Variants in GPHN observed in about 807,000 individuals in gnomAD.
GPHN encodes the protein gephyrin.
A neutral mutation model predicts 95.5 loss-of-function variants in GPHN; 17 were observed. That is an observed-to-expected ratio of 0.18 (90% CI 0.12 to 0.27). The LOEUF (loss-of-function observed/expected upper bound fraction) is 0.27. Among genes scored for constraint, GPHN ranks in the 10% least tolerant of loss-of-function variants. The pLI is 1.00. For missense variants in GPHN, 660 were observed against 978.1 expected (o/e 0.67, Z 4.34); for synonymous variants, 320 against 322.5 (o/e 0.99, Z 0.08).
At chr14:67,497,232 G>A in the GPHN span, among the ~76,000 whole-genome samples, 146 of 152,294 alleles carry the variant, frequency 9.6e-4, no homozygotes, top group African/African-American at 3.3e-3. Context: ...TCACGGGAGG[G>A]CAGCACAGTG....
chr14:67,389,063 C>T, the GPHN span, among the ~76,000 whole-genome samples: 6 of 151,644 alleles, frequency 4.0e-5, no homozygotes, highest in African/African-American at 9.7e-5. Context: ...CAAGAAACTT[C>T]GTGTGATACA....
At chr14:67,578,680 C>A in the GPHN span, 2 of 1,177,378 alleles carry the variant, frequency 1.7e-6, no homozygotes, top group South Asian at 1.3e-5. The surrounding 1 kb of genome is among the most constrained non-coding windows in gnomAD (Gnocchi z 5.0). Flanking sequence ...TGCCAACTGC[C>A]GCATGAATAA....
chr14:66,664,628 G>C (rs575433369), intron 1 of GPHN, among the ~76,000 whole-genome samples: 4 of 151,836 alleles, frequency 2.6e-5, no homozygotes, highest in East Asian at 1.9e-4. Context: ...GAAATAACCA[G>C]AATCAGAGCT....
At chr14:66,926,537 C>G (rs1020926439) in intron 8 of GPHN, among the ~76,000 whole-genome samples, 1 of 152,068 alleles carries the variant, frequency 6.6e-6, no homozygotes, top group Non-Finnish European at 1.5e-5. Flanking sequence ...TTCTTGACCC[C>G]TTTGTCAAAA....
chr14:67,032,259 C>G (rs375977457), intron 10 of GPHN, among the ~76,000 whole-genome samples: 1 of 152,132 alleles, frequency 6.6e-6, no homozygotes, highest in Admixed American at 6.5e-5. Flanking sequence ...TATCTCACTG[C>G]ATTGATGGAA....
intron 11 of GPHN, among the ~76,000 whole-genome samples, chr14:67,064,877 A>G (rs2075981660): frequency 6.6e-6 from 1 of 152,144 alleles, no homozygotes; most frequent in African/African-American, 2.4e-5. Flanking sequence ...ATCCTTTCAA[A>G]AACCAGCTCC....
intron 1 of GPHN, among the ~76,000 whole-genome samples, chr14:66,537,016 T>C (rs886215540): frequency 1.5e-4 from 23 of 152,194 alleles, no homozygotes; most frequent in Admixed American, 9.2e-4. Flanking sequence ...TCTGGTAATA[T>C]TTCTTGCCTT....
the GPHN span, among the ~76,000 whole-genome samples, chr14:67,529,429 C>T: frequency 6.6e-6 from 1 of 152,144 alleles, no homozygotes; most frequent in Admixed American, 6.5e-5. Flanking sequence ...AGCACAGTGG[C>T]TGGAAAATAG....
At chr14:67,144,246 AAAAAATATATATATATAT>A (rs1414252342) in intron 18 of GPHN, among the ~76,000 whole-genome samples, 12 of 65,600 alleles carry the variant, frequency 1.8e-4, no homozygotes, top group African/African-American at 2.4e-4. Context: ...TAAAAAAAAA[AAAAAATATATATATATAT>A]ATATATATAT....
the GPHN span, among the ~76,000 whole-genome samples, chr14:67,566,958 A>C: frequency 6.6e-6 from 1 of 152,126 alleles, no homozygotes; most frequent in Non-Finnish European, 1.5e-5. Flanking sequence ...TAAGGTATTA[A>C]GGGGCAGCGT....
chr14:67,335,324 T>C, the GPHN span: 4 of 152,360 alleles, frequency 2.6e-5, no homozygotes, highest in East Asian at 3.9e-4. Flanking sequence ...CACCTAGTTG[T>C]ACAGCCACTC....
At chr14:66,859,318 A>T (rs2062932010) in intron 4 of GPHN, among the ~76,000 whole-genome samples, 1 of 152,006 alleles carries the variant, frequency 6.6e-6, no homozygotes, top group Non-Finnish European at 1.5e-5. Flanking sequence ...ACAGAGAGAG[A>T]CTCCATTTGT....
the GPHN span, among the ~76,000 whole-genome samples, chr14:67,248,649 C>A: frequency 4.5e-3 from 682 of 152,180 alleles, 3 homozygotes; most frequent in Non-Finnish European, 6.5e-3. Flanking sequence ...CAACAACTTT[C>A]GGTAAGTATT....
chr14:66,854,941 G>A (rs189777557), intron 4 of GPHN, among the ~76,000 whole-genome samples: 81 of 151,096 alleles, frequency 5.4e-4, no homozygotes, highest in Admixed American at 1.7e-3. Context: ...TCTGCCCCCC[G>A]GATTCAAGCG....
chr14:66,584,767 A>G (rs1269915039), intron 1 of GPHN, among the ~76,000 whole-genome samples: 1 of 151,982 alleles, frequency 6.6e-6, no homozygotes, highest in Non-Finnish European at 1.5e-5. Context: ...AAGCTTTTTG[A>G]TGTGCTGCTG....
chr14:66,920,162 T>C (rs1012248360), intron 6 of GPHN, among the ~76,000 whole-genome samples: 6 of 152,156 alleles, frequency 3.9e-5, no homozygotes, highest in African/African-American at 1.4e-4. Flanking sequence ...CAAGAAATGG[T>C]CTTGACTCAG....
the GPHN span, among the ~76,000 whole-genome samples, chr14:67,220,659 A>G: frequency 6.6e-6 from 1 of 152,194 alleles, no homozygotes; most frequent in Non-Finnish European, 1.5e-5. Context: ...TAGTCCTACC[A>G]TGGCTCTTTC....
the GPHN span, chr14:67,586,157 A>G: frequency 6.3e-7 from 1 of 1,584,578 alleles, no homozygotes; most frequent in Non-Finnish European, 8.6e-7. Flanking sequence ...CTTGGAGCTT[A>G]GAAAGGAAAC....
the GPHN span, among the ~76,000 whole-genome samples, chr14:67,203,466 A>G: frequency 6.6e-6 from 1 of 152,204 alleles, no homozygotes; most frequent in Admixed American, 6.5e-5. Context: ...ATGTATGACA[A>G]TGGGTATCCA....
Sources: gnomAD v4.1 joint callset for allele counts (sites outside exome capture counted in the v4.1 genomes callset) on GRCh38, gnomAD v4.1.1 for gene constraint, Gnocchi (gnomAD v3.1) non-coding constraint, MANE v1.5 for transcripts, NCBI Gene and HGNC (gene_info 2026-07-23, HGNC 2026-07-21) for gene names.